Variants in SOHLH1 observed in about 807,000 individuals in gnomAD.
SOHLH1 encodes the protein spermatogenesis- and oogenesis-specific basic helix-loop-helix-containing protein 1.
Under a neutral mutation model 36.2 loss-of-function variants are expected in SOHLH1, and 23 were observed. The observed-to-expected ratio is 0.64, with a 90% CI of 0.46 to 0.90. SOHLH1 has a LOEUF of 0.90. SOHLH1 is among the 40% of genes least tolerant of loss of function. The pLI is 0.00. For missense variants in SOHLH1, 608 were observed against 517.0 expected (o/e 1.18, Z -1.71); for synonymous variants, 289 against 228.3 (o/e 1.27, Z -2.40).
At position 135,693,747 on chromosome 9, in the gene SOHLH1, A is replaced by G. The variant is rs763503929; in HGVS notation, c.1014T>C (p.Val338=). 1.1e-5 allele frequency: 18 copies of G among 1,577,438 alleles called. No individual in the cohort carries two copies. Among genetic ancestry groups the G allele is most frequent in the Non-Finnish European group, 1.5e-5 (17 of 1,162,554 alleles). ...GGTCCCCTAGGAAGCCTGGCTCTCC[A>G]ACATCCAGTGGACTGCTCTCAGCTG... ...WAPAESSPLD[V]GEPGFLGDPE... The change falls in exon 8 of 8, where the codon GTT becomes GTC. Residue 338 remains valine (V), a synonymous_variant. Coordinates refer to ENST00000425225, the MANE Select transcript of SOHLH1 (RefSeq NM_001101677.2).
chr9:135,694,406 A>C lies in SOHLH1; in HGVS notation c.927T>G (p.Ala309=), dbSNP rs1326812655. The C allele has an allele frequency of 6.2e-7, 1 of 1,613,066 alleles. No homozygotes were observed. Among genetic ancestry groups the C allele is most frequent in the African/African-American group, 1.3e-5 (1 of 74,884 alleles). ...ACTCACCCGGCCACGAGCTGGGACC[A>C]GCAGTCAGCAGGAAGGACGTCCCAT... ...VDDGTSFLLT[A]GPSSWPGSLE... The change falls in exon 7 of 8, where the codon GCT becomes GCG. Residue 309 remains alanine, a synonymous_variant. Transcript: ENST00000425225.
intron 7 of SOHLH1, 38 bp downstream of exon 7, chr9:135,694,349 C>T (rs776190840): frequency 1.2e-5 from 19 of 1,612,238 alleles, no homozygotes; most frequent in South Asian, 5.5e-5. Flanking sequence ...CAGGTGCTTA[C>T]GCGGGGGGAC....
chr9:135,695,979 C>A (rs930497580), intron 5 of SOHLH1, among the ~76,000 whole-genome samples: 1 of 152,226 alleles, frequency 6.6e-6, no homozygotes, highest in African/African-American at 2.4e-5. Context: ...GAAAACAGAT[C>A]TCCGGCCACA....
intron 7 of SOHLH1, 150 bp from the exon 8 acceptor site, chr9:135,693,964 T>C (rs375341675): frequency 7.0e-7 from 1 of 1,432,188 alleles, no homozygotes. Context: ...GTGGGTGAGC[T>C]CATACCTGGT....
In SOHLH1 at chr9:135,698,428, C is replaced by G. The variant is rs369775842; in HGVS notation, c.246G>C (p.Gln82His). 3.5e-5 allele frequency: 56 copies of G among 1,613,104 alleles called. No individual in the cohort carries two copies. The highest frequency in any genetic ancestry group is 4.7e-5 in the Non-Finnish European group (56 of 1,180,040). ...SCERLRALLP[Q>H]FDGRREDMAS... ...CCATGTCCTCCCGCCGGCCATCGAA[C>G]TGGGGCAGCAGGGCCCGCAGACGCT... is the stretch of plus-strand genomic sequence containing the variant. Residue 82 changes from glutamine (Q) to histidine (H), a missense_variant, in exon 3 of 8, where the codon CAG becomes CAC. Gln to His is a conservative substitution (Grantham distance 24). Coordinates refer to ENST00000425225, the MANE Select transcript of SOHLH1 (RefSeq NM_001101677.2).
intron 6 of SOHLH1, 144 bp from the exon 7 acceptor site, chr9:135,694,601 C>T (rs1052917506): frequency 1.2e-5 from 15 of 1,233,454 alleles, no homozygotes; most frequent in African/African-American, 7.4e-5. Context: ...CCCTGCCCAG[C>T]GGGGAGAAAT....
intron 5 of SOHLH1, 117 bp from the exon 6 acceptor site, chr9:135,695,380 G>A (rs779771355): frequency 3.4e-6 from 3 of 870,854 alleles, no homozygotes; most frequent in Non-Finnish European, 5.6e-6. Flanking sequence ...CTGCTCTGCT[G>A]CCTGCACCCT....
At chr9:135,696,343 C>G (rs1368845763) in intron 5 of SOHLH1, among the ~76,000 whole-genome samples, 3 of 152,120 alleles carry the variant, frequency 2.0e-5, no homozygotes, top group Non-Finnish European at 4.4e-5. Flanking sequence ...AGGAACAGCT[C>G]CCATGGTGGC....
intron 2 of SOHLH1, among the ~76,000 whole-genome samples, 199 bp from the exon 3 acceptor site, chr9:135,698,675 G>C (rs1027951768): frequency 6.6e-6 from 1 of 152,180 alleles, no homozygotes; most frequent in African/African-American, 2.4e-5. Context: ...CTGGACCTCG[G>C]CGACAGGCTG....
At chr9:135,697,690 G>A (rs1348245769) in intron 3 of SOHLH1, 63 bp from the exon 4 acceptor site, 24 of 1,570,846 alleles carry the variant, frequency 1.5e-5, no homozygotes, top group African/African-American at 5.4e-5. Flanking sequence ...CCCAAGACAC[G>A]GTGACAAGAC....
In SOHLH1 at chr9:135,693,679, G is replaced by T; in HGVS notation, c.1082C>A (p.Pro361Gln). 6.3e-7 allele frequency: 1 copy of T among 1,580,902 alleles called. No individual in the cohort carries two copies. The highest frequency in any genetic ancestry group is 1.2e-5 in the South Asian group (1 of 86,020). Residue 361 changes from proline to glutamine, a missense_variant, in exon 8 of 8, where the codon CCG becomes CAG. By Grantham distance (76) the Pro-to-Gln change is moderately conservative. Transcript: ENST00000425225. ...SQELQDSPLEPWGLDVDCAGL... is the reference protein window; with the variant it reads ...SQELQDSPLEQWGLDVDCAGL... ...TGCACAGTCCACATCCAGGCCCCAC[G>T]GCTCCAGAGGGCTGTCCTGGAGCTC...
chr9:135,699,468 G>T lies in SOHLH1; in HGVS notation c.-1C>A. On this transcript the variant is annotated 5_prime_UTR_variant, in exon 1 of 8. Coordinates refer to ENST00000425225, the MANE Select transcript of SOHLH1 (RefSeq NM_001101677.2). ...AGGGCTCGGAGCACCGGGACGCCAT[G>T]AACTCGCAGCTGCGGAGCGACCCCA... 1 of 1,612,022 alleles carries T rather than the reference G, an allele frequency of 6.2e-7. No individual in the cohort carries two copies. The highest frequency in any genetic ancestry group is 8.5e-7 in the Non-Finnish European group (1 of 1,179,702).
At chr9:135,696,105 A>ACCAAG (rs1362549765) in intron 5 of SOHLH1, among the ~76,000 whole-genome samples, 1 of 16,646 alleles carries the variant, frequency 6.0e-5, no homozygotes, top group Non-Finnish European at 1.6e-4. Context: ...CCAGGACAGA[A>ACCAAG]CCAAGTCCCT....
At position 135,695,058 on chromosome 9, in the gene SOHLH1, C is replaced by CTGCGCCAGCATGGGGTCCTCCTTG. The variant is rs763339753; in HGVS notation, c.843_866dup (p.Ala288_Gln289insHisLysGluAspProMetLeuAla). The CTGCGCCAGCATGGGGTCCTCCTTG allele has an allele frequency of 6.3e-7, 1 of 1,594,118 alleles. No individual in the cohort carries two copies. Among genetic ancestry groups the CTGCGCCAGCATGGGGTCCTCCTTG allele is most frequent in the South Asian group, 1.1e-5 (1 of 87,896 alleles). On this transcript the variant is annotated inframe_insertion, in exon 6 of 8. Coordinates refer to ENST00000425225, the MANE Select transcript of SOHLH1 (RefSeq NM_001101677.2). The stretch of plus-strand genomic sequence containing the variant: ...ACCACCTGGGCACTCACCCGGCCTC[C>CTGCGCCAGCATGGGGTCCTCCTTG]TGCGCCAGCATGGGGTCCTCCTTGG...
At chr9:135,698,795 G>C (rs766567950) in intron 2 of SOHLH1, among the ~76,000 whole-genome samples, 200 bp downstream of exon 2, 4 of 152,228 alleles carry the variant, frequency 2.6e-5, no homozygotes, top group African/African-American at 9.7e-5. Context: ...AGAGGCCAAG[G>C]CTTCAGGATA....
chr9:135,693,848 C>A, intron 7 of SOHLH1, 34 bp from the exon 8 acceptor site: 1 of 1,527,860 alleles, frequency 6.5e-7, no homozygotes, highest in East Asian at 2.5e-5. Flanking sequence ...GCAGGGCAGG[C>A]AGGTGCTCTG....
upstream of SOHLH1, among the ~76,000 whole-genome samples, chr9:135,701,673 A>G (rs1445564039): frequency 6.9e-6 from 1 of 145,586 alleles, no homozygotes; most frequent in Non-Finnish European, 1.5e-5. Context: ...GGCCAAGCCC[A>G]GGATGTGGCG....
At chr9:135,699,280 C>A (rs1264056403) in intron 1 of SOHLH1, 123 bp downstream of exon 1, 3 of 1,494,834 alleles carry the variant, frequency 2.0e-6, no homozygotes, top group African/African-American at 1.4e-5. Context: ...CCCTTCCCCT[C>A]TCCCAGGGTC....
upstream of SOHLH1, chr9:135,699,552 C>G: frequency 7.0e-7 from 1 of 1,437,952 alleles, no homozygotes; most frequent in Non-Finnish European, 9.6e-7. Flanking sequence ...GCCCACCTGC[C>G]ACGTGCTTTC....
Sources: allele counts gnomAD v4.1 joint callset (sites outside exome capture counted in the v4.1 genomes callset), GRCh38; gene constraint gnomAD v4.1.1; transcripts MANE v1.5; gene names NCBI Gene and HGNC (gene_info 2026-07-23, HGNC 2026-07-21).